DYNC2I1: variants seen among roughly 807,000 people sequenced by gnomAD.
DYNC2I1 encodes cytoplasmic dynein 2 intermediate chain 1.
In DYNC2I1, 89 loss-of-function variants were observed where a neutral mutation model predicts 133.4. The observed-to-expected ratio is 0.67, with a 90% CI of 0.56 to 0.80. The LOEUF is 0.80. Among genes scored for constraint, DYNC2I1 ranks in the 30% least tolerant of loss-of-function variants. The pLI is 0.00. For missense variants in DYNC2I1, 1,291 were observed against 1,314.5 expected (o/e 0.98, Z 0.28); for synonymous variants, 504 against 484.3 (o/e 1.04, Z -0.54).
intron 6 of DYNC2I1, among the ~76,000 whole-genome samples, chr7:158,886,551 C>CT (rs1251279480): frequency 1.3e-5 from 2 of 152,190 alleles, no homozygotes; most frequent in African/African-American, 4.8e-5. Context: ...GCTAGGAAGA[C>CT]TTTAACATTT....
intron 20 of DYNC2I1, among the ~76,000 whole-genome samples, chr7:158,928,866 TG>T (rs1328949160): frequency 6.6e-6 from 1 of 152,198 alleles, no homozygotes; most frequent in Non-Finnish European, 1.5e-5. Context: ...GCCTTGAGGC[TG>T]GTTGTGCCGT....
intron 21 of DYNC2I1, among the ~76,000 whole-genome samples, chr7:158,931,497 G>A (rs1261975290): frequency 1.3e-5 from 2 of 152,170 alleles, no homozygotes; most frequent in East Asian, 3.9e-4. Flanking sequence ...TCCTGGGCAA[G>A]CCCCTGACCC....
At chr7:158,848,411 T>C in the DYNC2I1 span, among the ~76,000 whole-genome samples, 1 of 152,196 alleles carries the variant, frequency 6.6e-6, no homozygotes, top group South Asian at 2.1e-4. Flanking sequence ...ATATTACTGT[T>C]TGAGAAGTCT....
intron 4 of DYNC2I1, among the ~76,000 whole-genome samples, chr7:158,952,531 C>T (rs146975701): frequency 2.0e-5 from 3 of 151,430 alleles, no homozygotes; most frequent in African/African-American, 7.3e-5. Context: ...CTCTTTACAG[C>T]CTGACAGTAA....
At chr7:158,926,127 C>T (rs1259123503) in intron 17 of DYNC2I1, 60 bp from the exon 18 acceptor site, 74 of 1,318,764 alleles carry the variant, frequency 5.6e-5, no homozygotes, top group African/African-American at 8.8e-5. Flanking sequence ...CTGTGTGATG[C>T]GAACTGCATT....
the DYNC2I1 span, among the ~76,000 whole-genome samples, chr7:158,839,364 T>C: frequency 7.0e-6 from 1 of 143,678 alleles, no homozygotes; most frequent in Non-Finnish European, 1.5e-5. Context: ...CTAATATGAC[T>C]CCGTAACACC....
At chr7:158,947,096 A>G (rs62476521), downstream of DYNC2I1, among the ~76,000 whole-genome samples, 1 of 152,234 alleles carries the variant, frequency 6.6e-6, no homozygotes, top group South Asian at 2.1e-4. Context: ...CTGCTGTGTC[A>G]GTAGAGTCTT....
chr7:158,944,450 G>A (rs1024391050), intron 24 of DYNC2I1, among the ~76,000 whole-genome samples: 15 of 152,176 alleles, frequency 9.9e-5, no homozygotes, highest in African/African-American at 3.1e-4. Context: ...GGTGTCCACC[G>A]TCTGTTACTG....
rs199575391 is a variant in DYNC2I1 at position 158,923,732 on chromosome 7, C to T, written c.2256C>T (p.Thr752=). The T allele has an allele frequency of 2.8e-5, 45 of 1,604,654 alleles. No individual in the cohort carries two copies. The highest frequency in any genetic ancestry group is 8.9e-5 in the South Asian group (8 of 90,250). The change falls in exon 17 of 25, where the codon ACC becomes ACT. Residue 752 remains threonine (T), a splice_region_variant and synonymous_variant. Coordinates refer to ENST00000407559, the MANE Select transcript of DYNC2I1 (RefSeq NM_018051.5). ...FWTFRTATFS[T]DGILTSVNHR... ...CGTTCCGGACCGCCACGTTTTCCACCGGTCAGTGTCATCTGCCTGCCAATT... is the reference window on the plus strand; with the variant it reads ...CGTTCCGGACCGCCACGTTTTCCACTGGTCAGTGTCATCTGCCTGCCAATT...
At chr7:158,949,453 G>A (rs962370552), downstream of DYNC2I1, among the ~76,000 whole-genome samples, 2 of 152,204 alleles carry the variant, frequency 1.3e-5, no homozygotes, top group Admixed American at 6.5e-5. Flanking sequence ...GGGTGCACCC[G>A]GCCCTGTCCC....
intron 11 of DYNC2I1, among the ~76,000 whole-genome samples, chr7:158,911,228 C>T (rs1028998847): frequency 3.3e-5 from 5 of 152,172 alleles, no homozygotes; most frequent in African/African-American, 1.2e-4. Flanking sequence ...TTAGGAACAT[C>T]CCAGGCATAT....
At position 158,923,698 on chromosome 7, in the gene DYNC2I1, G is replaced by A; in HGVS notation, c.2222G>A (p.Gly741Asp). The A allele has an allele frequency of 6.2e-7, 1 of 1,613,414 alleles. No individual in the cohort carries two copies. Among genetic ancestry groups the A allele is most frequent in the African/African-American group, 1.3e-5 (1 of 75,040 alleles). ...RLHYSVTLSDGFWTFRTATFS... is the reference protein window; with the variant it reads ...RLHYSVTLSDDFWTFRTATFS... ...CATTACTCTGTGACGCTGAGCGATG[G>A]CTTCTGGACGTTCCGGACCGCCACG... The change falls in exon 17 of 25, where the codon GGC (glycine) becomes GAC (aspartate). Residue 741 changes from glycine to aspartate, a missense_variant. Coordinates refer to ENST00000407559, the MANE Select transcript of DYNC2I1 (RefSeq NM_018051.5).
In DYNC2I1 at chr7:158,922,521, C is replaced by A; in HGVS notation, c.2066C>A (p.Pro689Gln). The A allele has an allele frequency of 6.2e-7, 1 of 1,613,858 alleles. No homozygotes were observed. The highest frequency in any genetic ancestry group is 1.1e-5 in the South Asian group (1 of 91,066). ...CVWDIWQPSGPQKVLICESQV... is the reference protein window; with the variant it reads ...CVWDIWQPSGQQKVLICESQV... ...TGGGATATTTGGCAGCCTTCAGGGCCACAGAAAGTTCTGATATGTGAGTCC... is the reference window on the plus strand; with the variant it reads ...TGGGATATTTGGCAGCCTTCAGGGCAACAGAAAGTTCTGATATGTGAGTCC... Residue 689 changes from proline (P) to glutamine (Q), a missense_variant, in exon 16 of 25, where the codon CCA becomes CAA. Physicochemically the swap from Pro to Gln is moderately conservative, Grantham distance 76. Coordinates refer to ENST00000407559, the MANE Select transcript of DYNC2I1 (RefSeq NM_018051.5).
the DYNC2I1 span, among the ~76,000 whole-genome samples, chr7:158,839,561 T>C: frequency 6.6e-6 from 1 of 152,218 alleles, no homozygotes; most frequent in African/African-American, 2.4e-5. Context: ...GGTTCACGCC[T>C]GTAATCCCAG....
intron 1 of DYNC2I1, among the ~76,000 whole-genome samples, chr7:158,859,756 A>T (rs543367262): frequency 6.6e-6 from 1 of 152,270 alleles, no homozygotes; most frequent in East Asian, 1.9e-4. Flanking sequence ...AAGTGCTGGG[A>T]TTATAGGCAT....
the DYNC2I1 span, among the ~76,000 whole-genome samples, chr7:158,844,262 T>C: frequency 6.6e-6 from 1 of 152,206 alleles, no homozygotes; most frequent in Admixed American, 6.5e-5. Context: ...GTCTTAACGT[T>C]TCTTTCCTCT....
chr7:158,888,553 C>A (rs1844850777), intron 7 of DYNC2I1, among the ~76,000 whole-genome samples: 1 of 151,722 alleles, frequency 6.6e-6, no homozygotes, highest in Admixed American at 6.6e-5. Context: ...CTCACCTCAA[C>A]CTCTGCCTCC....
At chr7:158,881,142 C>T (rs1305705804) in intron 5 of DYNC2I1, among the ~76,000 whole-genome samples, 2 of 152,252 alleles carry the variant, frequency 1.3e-5, no homozygotes, top group African/African-American at 4.8e-5. Flanking sequence ...AGCTGCCTGG[C>T]TCCCGGCCAT....
intron 1 of DYNC2I1, among the ~76,000 whole-genome samples, chr7:158,866,993 T>A (rs1842465160): frequency 6.6e-6 from 1 of 151,790 alleles, no homozygotes; most frequent in Admixed American, 6.6e-5. Context: ...ATGAAAAGTT[T>A]CCATTTTTCA....
Sources: allele counts gnomAD v4.1 joint callset (sites outside exome capture counted in the v4.1 genomes callset), GRCh38; gene constraint gnomAD v4.1.1; transcripts MANE v1.5; gene names NCBI Gene and HGNC (gene_info 2026-07-23, HGNC 2026-07-21).